The following MKLN1 variants were observed in gnomAD, a reference collection of about 807,000 sequenced individuals.
MKLN1 encodes the protein muskelin 1, also known as muskelin.
In MKLN1, 18 loss-of-function variants were observed where a neutral mutation model predicts 99.0. The observed-to-expected ratio is 0.18, with a 90% CI of 0.13 to 0.27. The LOEUF (loss-of-function observed/expected upper bound fraction) is 0.27, where lower values mean the gene tolerates loss of function less well. Ranked by LOEUF, MKLN1 falls within the 10% of genes least tolerant of loss-of-function variation. The pLI, the probability that MKLN1 is intolerant of heterozygous loss-of-function variation, is 1.00. For synonymous variants in MKLN1, 288 were observed against 293.2 expected, an observed-to-expected ratio of 0.98 and a Z score of 0.18; for missense variants, 621 against 875.9, an observed-to-expected ratio of 0.71 and a Z score of 3.67.
chr7:131,235,172 T>C (rs1287817865), intron 3 of MKLN1, among the ~76,000 whole-genome samples: 1 of 152,082 alleles, frequency 6.6e-6, no homozygotes, highest in Non-Finnish European at 1.5e-5. Context: ...ATCTCAATCA[T>C]TCTCTCTCTT....
At chr7:131,142,868 T>C (rs1347555586) in exon 2 of MKLN1, 1 of 1,292,800 alleles carries the variant, frequency 7.7e-7, no homozygotes, top group South Asian at 1.2e-5. Flanking sequence ...ATCCAAACAT[T>C]CCATCCTCCT....
chr7:131,440,920 C>A (rs952435027), intron 10 of MKLN1, among the ~76,000 whole-genome samples: 1 of 152,040 alleles, frequency 6.6e-6, no homozygotes, highest in African/African-American at 2.4e-5. Context: ...GATAAGAGAT[C>A]ATTTTATAGC....
intron 1 of MKLN1, among the ~76,000 whole-genome samples, chr7:131,115,565 A>G (rs977225208): frequency 6.6e-6 from 1 of 152,154 alleles, no homozygotes; most frequent in Non-Finnish European, 1.5e-5. Context: ...CTCATCTTAG[A>G]ATCCCTCCAT....
intron 3 of MKLN1, among the ~76,000 whole-genome samples, chr7:131,254,312 G>A (rs1797625491): frequency 6.6e-6 from 1 of 152,206 alleles, no homozygotes; most frequent in African/African-American, 2.4e-5. Flanking sequence ...TGGGTTGGAA[G>A]TATCAGTATT....
intron 8 of MKLN1, 24 bp downstream of exon 8, chr7:131,414,734 G>A (rs760915123): frequency 3.9e-6 from 6 of 1,530,400 alleles, no homozygotes; most frequent in Non-Finnish European, 5.3e-6. Context: ...GCAGTGGAAA[G>A]CAAAATCTTC....
intron 2 of MKLN1, among the ~76,000 whole-genome samples, chr7:131,172,145 A>T (rs1796224505): frequency 6.6e-6 from 1 of 151,604 alleles, no homozygotes; most frequent in African/African-American, 2.4e-5. Context: ...ATTTTATTTT[A>T]TATATACTTT....
intron 4 of MKLN1, among the ~76,000 whole-genome samples, 168 bp downstream of exon 4, chr7:131,389,140 C>T (rs766803499): frequency 4.6e-5 from 7 of 151,984 alleles, no homozygotes; most frequent in Admixed American, 2.6e-4. Flanking sequence ...TTTTGTGCTA[C>T]AAAAGTAGAC....
Position 131,445,559 on chromosome 7 carries a change from C to G in MKLN1, c.1396-215C>G, listed in dbSNP as rs465120. Among the ~76,000 whole-genome samples the G allele has an allele frequency of 2.8e-3, 422 of 152,196 alleles. 1 individual carries two copies. Among genetic ancestry groups the G allele is most frequent in the African/African-American group, 9.8e-3 (406 of 41,530 alleles). ...GAAGAAGGAACCTGTATATATTATT[C>G]TGCACCTTGCTTTTCTTCTTTAACA... On this transcript the variant is annotated intron_variant, in intron 11 of 17. Transcript: ENST00000352689.
chr7:131,283,338 CCCTTCCCCTCCTTCCTT>C (rs1250113322), intron 3 of MKLN1, among the ~76,000 whole-genome samples: 1,189 of 57,918 alleles, frequency 0.021, 46 homozygotes, highest in African/African-American at 0.051. Context: ...TCCTTCCCTT[CCCTTCCCCTCCTTCCTT>C]CCTTCCTTCC....
chr7:131,171,088 A>G (rs1796208379), intron 2 of MKLN1, among the ~76,000 whole-genome samples: 1 of 152,200 alleles, frequency 6.6e-6, no homozygotes. Flanking sequence ...TAAAGAGATG[A>G]ATCAGAAGCC....
intron 3 of MKLN1, among the ~76,000 whole-genome samples, chr7:131,248,665 T>C (rs1797532667): frequency 6.6e-6 from 1 of 152,212 alleles, no homozygotes; most frequent in South Asian, 2.1e-4. Context: ...AAAATCCATT[T>C]TTTTTCTCAT....
chr7:131,298,518 G>A (rs1022111027), intron 3 of MKLN1, among the ~76,000 whole-genome samples: 2 of 152,174 alleles, frequency 1.3e-5, no homozygotes, highest in Non-Finnish European at 2.9e-5. Flanking sequence ...TCATTTCACA[G>A]CTGTATCTTG....
chr7:131,483,407 T>G (rs769410551), intron 17 of MKLN1, among the ~76,000 whole-genome samples: 18 of 152,338 alleles, frequency 1.2e-4, no homozygotes, highest in Non-Finnish European at 2.5e-4. Context: ...TGGTTCTCAT[T>G]ATTCAAAGAG....
intron 3 of MKLN1, among the ~76,000 whole-genome samples, chr7:131,271,366 C>A (rs553105028): frequency 6.6e-6 from 1 of 152,312 alleles, no homozygotes; most frequent in Non-Finnish European, 1.5e-5. Flanking sequence ...TGCCTGTAAT[C>A]CCAGCACTTT....
chr7:131,265,966 G>A (rs1163382690), intron 3 of MKLN1, among the ~76,000 whole-genome samples: 1 of 152,094 alleles, frequency 6.6e-6, no homozygotes, highest in African/African-American at 2.4e-5. Context: ...ATGAGGCCAG[G>A]AGTCTGAGAC....
chr7:131,286,319 A>C (rs892289597), intron 3 of MKLN1, among the ~76,000 whole-genome samples: 2 of 152,114 alleles, frequency 1.3e-5, no homozygotes, highest in African/African-American at 4.8e-5. Context: ...TCCTAAGAAG[A>C]TATCAGTCCT....
At chr7:131,143,507 T>C (rs970103934) in intron 2 of MKLN1, among the ~76,000 whole-genome samples, 1 of 151,984 alleles carries the variant, frequency 6.6e-6, no homozygotes, top group African/African-American at 2.4e-5. Context: ...TATTGATATT[T>C]TCTAAAGTGA....
At chr7:131,203,068 G>T (rs577796739) in intron 3 of MKLN1, 2 of 152,282 alleles carry the variant, frequency 1.3e-5, no homozygotes, top group East Asian at 3.9e-4. Flanking sequence ...GGTGCAAAAT[G>T]CTTACATTTG....
chr7:131,300,030 C>T (rs956565250), intron 3 of MKLN1, among the ~76,000 whole-genome samples: 6 of 151,682 alleles, frequency 4.0e-5, no homozygotes, highest in African/African-American at 1.2e-4. Context: ...TTGGGGCAAA[C>T]GAGAAAAGGG....
Sources: gnomAD v4.1 joint callset for allele counts (sites outside exome capture counted in the v4.1 genomes callset) on GRCh38, gnomAD v4.1.1 for gene constraint, MANE v1.5 for transcripts, NCBI Gene and HGNC (gene_info 2026-07-23, HGNC 2026-07-21) for gene names.